The following RBMS3 variants were observed in gnomAD, a reference collection of about 807,000 sequenced individuals.
RBMS3 encodes the protein RNA binding motif single stranded interacting protein 3, also known as RNA-binding motif, single-stranded-interacting protein 3.
Under a neutral mutation model 66.8 loss-of-function variants are expected in RBMS3, and 27 were observed. The ratio of observed to expected loss-of-function variants is 0.40; its 90% CI spans 0.30 to 0.56. The LOEUF (loss-of-function observed/expected upper bound fraction) is 0.56. Ranked by LOEUF, RBMS3 falls within the 20% of genes least tolerant of loss-of-function variation. The pLI, the probability that RBMS3 is intolerant of heterozygous loss-of-function variation, is 0.40. For synonymous variants in RBMS3, 188 were observed against 183.0 expected (o/e 1.03, Z -0.22); for missense variants, 513 against 549.5 (o/e 0.93, Z 0.66).
intron 1 of RBMS3, among the ~76,000 whole-genome samples, chr3:29,409,582 A>T (rs1469341910): frequency 1.3e-5 from 2 of 152,212 alleles, no homozygotes; most frequent in Non-Finnish European, 2.9e-5. Flanking sequence ...GTTCTAAACT[A>T]CTTAGTTATT....
chr3:29,618,221 G>A (rs932154481), intron 4 of RBMS3, among the ~76,000 whole-genome samples: 1 of 152,118 alleles, frequency 6.6e-6, no homozygotes, highest in Admixed American at 6.6e-5. Flanking sequence ...TAGGCCGGGT[G>A]CAATGGCTCA....
At chr3:29,817,105 G>GA (rs1376907435) in intron 6 of RBMS3, among the ~76,000 whole-genome samples, 2 of 150,972 alleles carry the variant, frequency 1.3e-5, no homozygotes, top group African/African-American at 4.9e-5. Flanking sequence ...AATAAATAAG[G>GA]AAAAAAGTAT....
intron 12 of RBMS3, among the ~76,000 whole-genome samples, chr3:29,949,790 G>A (rs1168754450): frequency 6.6e-6 from 1 of 150,658 alleles, no homozygotes; most frequent in African/African-American, 2.4e-5. Flanking sequence ...GGTCTTTTAG[G>A]ACTTATAGCA....
intron 4 of RBMS3, among the ~76,000 whole-genome samples, chr3:29,671,770 A>G (rs751145757): frequency 1.2e-4 from 18 of 152,200 alleles, no homozygotes; most frequent in Non-Finnish European, 2.1e-4. Flanking sequence ...CCTCCAAGAA[A>G]TATGGTACTA....
intron 3 of RBMS3, among the ~76,000 whole-genome samples, chr3:29,490,397 A>G (rs1203201244): frequency 1.3e-5 from 2 of 152,166 alleles, no homozygotes; most frequent in Non-Finnish European, 2.9e-5. Flanking sequence ...TTTTAAAGGT[A>G]GAGTTGGCTA....
intron 10 of RBMS3, among the ~76,000 whole-genome samples, chr3:29,926,055 C>T (rs900039313): frequency 6.6e-6 from 1 of 152,000 alleles, no homozygotes; most frequent in Admixed American, 6.6e-5. Flanking sequence ...ATCTTGAAGG[C>T]CTCAGAATGT....
chr3:29,292,086 CTA>C (rs2032862078), intron 1 of RBMS3, among the ~76,000 whole-genome samples: 1 of 151,658 alleles, frequency 6.6e-6, no homozygotes, highest in Non-Finnish European at 1.5e-5. Flanking sequence ...CATAATCACC[CTA>C]TGTTTTGATT....
intron 3 of RBMS3, among the ~76,000 whole-genome samples, chr3:29,576,904 GTC>G (rs2047141311): frequency 6.6e-6 from 1 of 152,084 alleles, no homozygotes; most frequent in Admixed American, 6.5e-5. Context: ...CCCAGGGCAG[GTC>G]CAGAAATGCT....
At chr3:29,470,682 C>G (rs1293013258) in intron 2 of RBMS3, among the ~76,000 whole-genome samples, 1 of 151,940 alleles carries the variant, frequency 6.6e-6, no homozygotes, top group Non-Finnish European at 1.5e-5. Context: ...GCTGCTGATA[C>G]TTGCATTAGT....
chr3:29,512,491 A>G (rs184600340), intron 3 of RBMS3, among the ~76,000 whole-genome samples: 30 of 152,294 alleles, frequency 2.0e-4, no homozygotes, highest in Admixed American at 8.5e-4. Flanking sequence ...AAGTAATTTA[A>G]AAAGTCTTAA....
intron 8 of RBMS3, 22 bp downstream of exon 8, chr3:29,884,230 T>C: frequency 6.3e-7 from 1 of 1,593,234 alleles, no homozygotes; most frequent in Non-Finnish European, 8.6e-7. Context: ...ACATTTTCTC[T>C]ATTTTAATTG....
At chr3:29,514,794 C>T (rs1214190655) in intron 3 of RBMS3, among the ~76,000 whole-genome samples, 1 of 149,308 alleles carries the variant, frequency 6.7e-6, no homozygotes. Flanking sequence ...ATATGATAGG[C>T]ATATATATGT....
chr3:29,947,422 T>A (rs1695396039), intron 12 of RBMS3, among the ~76,000 whole-genome samples: 1 of 151,664 alleles, frequency 6.6e-6, no homozygotes, highest in Non-Finnish European at 1.5e-5. Context: ...AATGAATATG[T>A]CTTAAAAATA....
chr3:29,871,397 T>C (rs966040402), intron 7 of RBMS3, among the ~76,000 whole-genome samples: 2 of 152,120 alleles, frequency 1.3e-5, no homozygotes, highest in African/African-American at 4.8e-5. Flanking sequence ...TTTGTTTGTT[T>C]GTTTGTTTGA....
chr3:29,374,492 TACAA>T (rs2038364681), intron 1 of RBMS3, among the ~76,000 whole-genome samples: 1 of 152,208 alleles, frequency 6.6e-6, no homozygotes, highest in South Asian at 2.1e-4. Flanking sequence ...TGGGTACCCA[TACAA>T]ACATTCTGTT....
intron 4 of RBMS3, among the ~76,000 whole-genome samples, chr3:29,590,739 T>C (rs1231038595): frequency 1.3e-5 from 2 of 151,984 alleles, no homozygotes; most frequent in African/African-American, 4.8e-5. Flanking sequence ...AGTGAAGAAA[T>C]CCCTGCTAAC....
At chr3:29,452,482 T>G (rs2042048135) in intron 2 of RBMS3, among the ~76,000 whole-genome samples, 1 of 152,048 alleles carries the variant, frequency 6.6e-6, no homozygotes, top group Non-Finnish European at 1.5e-5. Flanking sequence ...CTTGAAATAA[T>G]TGGGAAAAAA....
chr3:29,664,410 C>T (rs1384399770), intron 4 of RBMS3, among the ~76,000 whole-genome samples: 2 of 152,164 alleles, frequency 1.3e-5, no homozygotes, highest in East Asian at 3.9e-4. Context: ...ATCGCTTGAA[C>T]CCAGGAGGCA....
chr3:29,548,590 AGT>A (rs2046063804), intron 3 of RBMS3, among the ~76,000 whole-genome samples: 3 of 152,034 alleles, frequency 2.0e-5, no homozygotes, highest in Admixed American at 2.0e-4. Flanking sequence ...CAATAACAAC[AGT>A]ACTTTATAAG....
Sources: gnomAD v4.1 joint callset for allele counts (sites outside exome capture counted in the v4.1 genomes callset) on GRCh38, gnomAD v4.1.1 for gene constraint, MANE v1.5 for transcripts, NCBI Gene and HGNC (gene_info 2026-07-23, HGNC 2026-07-21) for gene names.